ELK3: variants seen among roughly 807,000 people sequenced by gnomAD.
ELK3 encodes ETS domain-containing protein Elk-3.
A neutral mutation model predicts 28.9 loss-of-function variants in ELK3; 10 were observed. That is an observed-to-expected ratio of 0.35 (90% CI 0.21 to 0.59). The LOEUF is 0.59. Ranked by LOEUF, ELK3 falls within the 20% of genes least tolerant of loss-of-function variation. The probability of loss-of-function intolerance (pLI) is 0.82; values close to 1 mark genes in which losing one functional copy is unlikely to be tolerated. For missense variants in ELK3, 463 were observed against 517.3 expected (o/e 0.90, Z 1.02); for synonymous variants, 272 against 243.5 (o/e 1.12, Z -1.09).
chr12:96,213,378 C>T (rs1951589822), intron 1 of ELK3, among the ~76,000 whole-genome samples: 1 of 152,220 alleles, frequency 6.6e-6, no homozygotes, highest in South Asian at 2.1e-4. Flanking sequence ...GAGGTACCCA[C>T]ACGAGGCAGC....
chr12:96,233,162 T>G lies in ELK3; in HGVS notation c.207+9389T>G, dbSNP rs559306990. On this transcript the variant is annotated intron_variant, in intron 2 of 4. Coordinates refer to ENST00000228741, the MANE Select transcript of ELK3 (RefSeq NM_005230.4). The stretch of plus-strand genomic sequence containing the variant: ...GCCCTATCACACCTTCAGCATGAGG[T>G]GGAGAGGGAAAAAGGATGGGCTCTG... Among the ~76,000 whole-genome samples the G allele has an allele frequency of 1.5e-4, 23 of 152,094 alleles. No homozygotes were observed. In the South Asian group the frequency reaches 2.9e-3, roughly 19 times the overall value.
At chr12:96,246,484 G>C (rs1951856126) in intron 2 of ELK3, among the ~76,000 whole-genome samples, 1 of 152,066 alleles carries the variant, frequency 6.6e-6, no homozygotes, top group South Asian at 2.1e-4. Flanking sequence ...GTGAGATGCT[G>C]TCTCCACAAA....
At chr12:96,251,429 G>A (rs1951905400) in intron 3 of ELK3, among the ~76,000 whole-genome samples, 1 of 152,088 alleles carries the variant, frequency 6.6e-6, no homozygotes, top group Admixed American at 6.5e-5. Flanking sequence ...CCCTATAGTG[G>A]CCTATAAAGT....
At chr12:96,263,443 A>G (rs1363421888) in intron 4 of ELK3, among the ~76,000 whole-genome samples, 2 of 152,228 alleles carry the variant, frequency 1.3e-5, no homozygotes, top group East Asian at 1.9e-4. Context: ...GAATATACCT[A>G]GTAGGAATAG....
chr12:96,233,718 T>C (rs1840358332), intron 2 of ELK3, among the ~76,000 whole-genome samples: 1 of 152,196 alleles, frequency 6.6e-6, no homozygotes, highest in African/African-American at 2.4e-5. Context: ...AAAATGATGT[T>C]GTCAAAGTGG....
intron 1 of ELK3, among the ~76,000 whole-genome samples, chr12:96,202,523 C>CT (rs67138285): frequency 0.78 from 84,544 of 108,602 alleles, 33,753 homozygotes; most frequent in South Asian, 0.89. Flanking sequence ...TTACCACAAG[C>CT]TTTTTTTTTT....
rs188866018 is a variant in ELK3 at position 96,214,623 on chromosome 12, C to T, written c.-2-8942C>T. Among the ~76,000 whole-genome samples the T allele has an allele frequency of 3.3e-5, 5 of 152,212 alleles. No individual in the cohort carries two copies. The East Asian group carries it at 9.6e-4, about 29-fold the overall frequency. On this transcript the variant is annotated intron_variant, in intron 1 of 4. Coordinates refer to ENST00000228741, the MANE Select transcript of ELK3 (RefSeq NM_005230.4). Reference sequence around the variant, plus strand: ...TGGGAGACATGAAGTTGGCCTCATGCCTTTTTTATACACAGTGATAATGAT... The same window carrying T: ...TGGGAGACATGAAGTTGGCCTCATGTCTTTTTTATACACAGTGATAATGAT...
chr12:96,230,118 C>T (rs570913280), intron 2 of ELK3, among the ~76,000 whole-genome samples: 3 of 152,216 alleles, frequency 2.0e-5, no homozygotes, highest in East Asian at 1.9e-4. Flanking sequence ...ACCTTTTGTA[C>T]GTTTAGATAC....
intron 3 of ELK3, among the ~76,000 whole-genome samples, chr12:96,255,149 A>T (rs1049405361): frequency 6.6e-6 from 1 of 152,078 alleles, no homozygotes; most frequent in Non-Finnish European, 1.5e-5. Flanking sequence ...GAGTGCCGTC[A>T]GCAGGAGTTG....
intron 1 of ELK3, among the ~76,000 whole-genome samples, chr12:96,205,453 C>T (rs1434350923): frequency 6.6e-6 from 1 of 152,126 alleles, no homozygotes; most frequent in Non-Finnish European, 1.5e-5. Flanking sequence ...TCATTTAGAC[C>T]AGAGGGCATT....
At chr12:96,195,932 C>T (rs1353799486) in intron 1 of ELK3, among the ~76,000 whole-genome samples, 1 of 102,410 alleles carries the variant, frequency 9.8e-6, no homozygotes, top group Non-Finnish European at 2.0e-5. Flanking sequence ...CGGTCTTTAA[C>T]TACCCCCACC....
At position 96,247,172 on chromosome 12, in the gene ELK3, C is replaced by T. The variant is rs780963033; in HGVS notation, c.440C>T (p.Thr147Ile). The change falls in exon 3 of 5, where the codon ACC becomes ATC. Residue 147 changes from threonine to isoleucine, a missense_variant. Around this residue, in one of 2 missense-constraint regions of ELK3, gnomAD observed 408 missense variants for 414.8 expected, o/e 0.98. Coordinates refer to ENST00000228741, the MANE Select transcript of ELK3 (RefSeq NM_005230.4). The surrounding 1 kb of genome is among the most constrained non-coding windows in gnomAD (Gnocchi z 5.5). The part of the protein sequence containing the change: ...YIHSGLYSSF[T>I]INSLQNPPDA... Reference sequence around the variant, plus strand: ...CACTCAGGCCTGTACTCGTCCTTCACCATTAATTCCCTGCAGAACCCACCA... The same window carrying T: ...CACTCAGGCCTGTACTCGTCCTTCATCATTAATTCCCTGCAGAACCCACCA... 1 of 1,614,090 alleles carries T rather than the reference C, an allele frequency of 6.2e-7. No individual in the cohort carries two copies.
At chr12:96,217,439 C>G (rs1013163562) in intron 1 of ELK3, among the ~76,000 whole-genome samples, 1 of 152,180 alleles carries the variant, frequency 6.6e-6, no homozygotes, top group African/African-American at 2.4e-5. Context: ...GACTCCCACC[C>G]CTAGTTTTGC....
At chr12:96,248,595 G>T (rs1482507476) in intron 3 of ELK3, among the ~76,000 whole-genome samples, 1 of 152,040 alleles carries the variant, frequency 6.6e-6, no homozygotes, top group Admixed American at 6.5e-5. Flanking sequence ...TTGCTCTCTG[G>T]GCCAGGTTCC....
chr12:96,215,420 G>A (rs1014378304), intron 1 of ELK3, among the ~76,000 whole-genome samples: 3 of 152,114 alleles, frequency 2.0e-5, no homozygotes, highest in Admixed American at 6.6e-5. Flanking sequence ...GTAGCTTTTC[G>A]GTGACAGAGG....
chr12:96,219,426 T>TGGAA, intron 1 of ELK3, among the ~76,000 whole-genome samples: 1 of 152,256 alleles, frequency 6.6e-6, no homozygotes, highest in Non-Finnish European at 1.5e-5. Context: ...GTCTGTGTTT[T>TGGAA]CCAACACCCC....
chr12:96,256,707 A>G (rs1049933468), intron 3 of ELK3, among the ~76,000 whole-genome samples: 1 of 152,248 alleles, frequency 6.6e-6, no homozygotes, highest in Non-Finnish European at 1.5e-5. Flanking sequence ...TAAGAAAAAA[A>G]TGGTCACAAA....
chr12:96,266,276 C>T (rs1952028861), intron 4 of ELK3, among the ~76,000 whole-genome samples: 1 of 152,126 alleles, frequency 6.6e-6, no homozygotes, highest in African/African-American at 2.4e-5. Context: ...CTTTCCTGGA[C>T]TAAATAGGAA....
chr12:96,221,720 G>C (rs1053845543), intron 1 of ELK3, among the ~76,000 whole-genome samples: 1 of 152,174 alleles, frequency 6.6e-6, no homozygotes, highest in Non-Finnish European at 1.5e-5. Context: ...GTGGGGGCTT[G>C]CAAGATTTGT....
Sources: gnomAD v4.1 joint callset for allele counts (sites outside exome capture counted in the v4.1 genomes callset) on GRCh38, gnomAD v4.1.1 for gene constraint, gnomAD v4.1.1 regional missense constraint, Gnocchi (gnomAD v3.1) non-coding constraint, MANE v1.5 for transcripts, NCBI Gene and HGNC (gene_info 2026-07-23, HGNC 2026-07-21) for gene names.